Variants in STK24 observed in about 807,000 individuals in gnomAD.
STK24 encodes serine/threonine-protein kinase 24.
In STK24, 21 loss-of-function variants were observed where a neutral mutation model predicts 55.6. The observed-to-expected ratio is 0.38, with a 90% CI of 0.27 to 0.54. The LOEUF is 0.54. Ranked by LOEUF, STK24 falls within the 20% of genes least tolerant of loss-of-function variation. The pLI, the probability that STK24 is intolerant of heterozygous loss-of-function variation, is 0.79. For missense variants in STK24, 383 were observed against 538.4 expected, an observed-to-expected ratio of 0.71 and a Z score of 2.86; for synonymous variants, 200 against 215.2, an observed-to-expected ratio of 0.93 and a Z score of 0.62.
chr13:98,472,016 C>T (rs899269605), intron 5 of STK24, among the ~76,000 whole-genome samples: 3 of 152,172 alleles, frequency 2.0e-5, no homozygotes, highest in African/African-American at 4.8e-5. Context: ...GAGACCAGAG[C>T]GGCCTCCAGT....
chr13:98,536,883 C>T (rs567668929), intron 1 of STK24, among the ~76,000 whole-genome samples: 2 of 106,412 alleles, frequency 1.9e-5, no homozygotes, highest in African/African-American at 3.6e-5. Flanking sequence ...GTCCTCCAGC[C>T]GCCCAGCCAC....
chr13:98,562,892 G>A (rs7327544), intron 1 of STK24, among the ~76,000 whole-genome samples: 24,390 of 147,508 alleles, frequency 0.17, 2,091 homozygotes, highest in South Asian at 0.18. Context: ...CTCCAGTCTG[G>A]GCAACAGAGT....
chr13:98,545,749 G>T (rs1255909302), intron 1 of STK24, among the ~76,000 whole-genome samples: 3 of 151,990 alleles, frequency 2.0e-5, no homozygotes, highest in Non-Finnish European at 4.4e-5. Context: ...AATCAATATG[G>T]ATAATAATAA....
chr13:98,554,951 G>T (rs1308634972), intron 1 of STK24, among the ~76,000 whole-genome samples: 1 of 147,598 alleles, frequency 6.8e-6, no homozygotes, highest in African/African-American at 2.5e-5. Context: ...GGAGATGGAG[G>T]TTGCAGTGAG....
At chr13:98,458,565 C>T (rs758640620) in intron 9 of STK24, among the ~76,000 whole-genome samples, 9 of 152,124 alleles carry the variant, frequency 5.9e-5, no homozygotes, top group Non-Finnish European at 1.2e-4. Context: ...GGCCCCGAGG[C>T]GGCCACTCGT....
intron 1 of STK24, among the ~76,000 whole-genome samples, chr13:98,567,569 GC>G (rs575349815): frequency 2.0e-5 from 3 of 152,310 alleles, no homozygotes; most frequent in African/African-American, 7.2e-5. Flanking sequence ...GGAGGTGGAG[GC>G]CACCGACCAG....
At chr13:98,489,019 G>A (rs767347125) in intron 2 of STK24, among the ~76,000 whole-genome samples, 3 of 152,232 alleles carry the variant, frequency 2.0e-5, no homozygotes, top group Admixed American at 6.5e-5. Context: ...CCTTAAGAGC[G>A]TGAGTTTTTG....
chr13:98,485,265 G>C (rs921505462), intron 2 of STK24, among the ~76,000 whole-genome samples: 5 of 152,162 alleles, frequency 3.3e-5, no homozygotes, highest in Non-Finnish European at 7.4e-5. Context: ...CCGAGCATTC[G>C]GGGAGAATTT....
intron 2 of STK24, among the ~76,000 whole-genome samples, chr13:98,498,159 A>G (rs1393839221): frequency 6.6e-6 from 1 of 152,254 alleles, no homozygotes; most frequent in Non-Finnish European, 1.5e-5. Context: ...TGATAGAGAT[A>G]TGATAGACGT....
chr13:98,549,891 T>G lies in STK24; in HGVS notation c.42+26854A>C, dbSNP rs142069139. Among the ~76,000 whole-genome samples, 8 of 152,288 alleles carry G rather than the reference T, an allele frequency of 5.3e-5. No homozygotes were observed. The East Asian group carries it at 1.5e-3, about 29-fold the overall frequency. ...ATTGCACTAAGATTCACAACATGAC[T>G]GTGGAGAGCCATAAGCATTCAGACC... On this transcript the variant is annotated intron_variant, in intron 1 of 10. Transcript: ENST00000539966.
chr13:98,550,319 G>A lies in STK24; in HGVS notation c.42+26426C>T, dbSNP rs572542476. Reference sequence around the variant, plus strand: ...TTTGGGAGGTCAAGGGGGGAAGATCGCGTGAGCCCAGGAGTTTGAGACCAG... The same window carrying A: ...TTTGGGAGGTCAAGGGGGGAAGATCACGTGAGCCCAGGAGTTTGAGACCAG... On this transcript the variant is annotated intron_variant, in intron 1 of 10. Coordinates refer to ENST00000539966, the MANE Select transcript of STK24 (RefSeq NM_001032296.4). 1.2e-4 allele frequency among the ~76,000 whole-genome samples: 19 copies of A among 152,220 alleles called. No homozygotes were observed. In the East Asian group the frequency reaches 1.5e-3, roughly 12 times the overall value.
At chr13:98,537,509 A>G (rs1414242406) in intron 1 of STK24, among the ~76,000 whole-genome samples, 3 of 152,132 alleles carry the variant, frequency 2.0e-5, no homozygotes, top group African/African-American at 7.2e-5. Flanking sequence ...AGGCAGACAG[A>G]CCTTCCAGAC....
At chr13:98,514,827 AG>A (rs761332306) in intron 2 of STK24, among the ~76,000 whole-genome samples, 1 of 152,200 alleles carries the variant, frequency 6.6e-6, no homozygotes, top group Non-Finnish European at 1.5e-5. Flanking sequence ...GTGAATTTTG[AG>A]TCTGTTTGGC....
chr13:98,529,736 TGGGTG>T (rs1221098656), intron 1 of STK24, among the ~76,000 whole-genome samples: 1 of 151,736 alleles, frequency 6.6e-6, no homozygotes, highest in Non-Finnish European at 1.5e-5. Flanking sequence ...GGTCCAGGGA[TGGGTG>T]TGGTTGGGGT....
chr13:98,536,186 T>A (rs2139411195), intron 1 of STK24, among the ~76,000 whole-genome samples: 1 of 152,074 alleles, frequency 6.6e-6, no homozygotes, highest in East Asian at 1.9e-4. Context: ...TCTCCCTAGG[T>A]GGGGCAGCAA....
At chr13:98,541,220 G>A (rs7336828) in intron 1 of STK24, among the ~76,000 whole-genome samples, 27,639 of 151,970 alleles carry the variant, frequency 0.18, 2,600 homozygotes, top group South Asian at 0.25. Context: ...GAGTTGGTCC[G>A]GGGATAATTT....
intron 1 of STK24, among the ~76,000 whole-genome samples, chr13:98,544,625 G>A (rs1341565190): frequency 1.3e-5 from 2 of 152,242 alleles, no homozygotes; most frequent in Non-Finnish European, 1.5e-5. Context: ...AGGGTACATG[G>A]CAGGTCCCCT....
intron 1 of STK24, among the ~76,000 whole-genome samples, chr13:98,573,220 G>A (rs574912071): frequency 3.9e-5 from 6 of 152,290 alleles, no homozygotes; most frequent in East Asian, 1.9e-4. Context: ...CATGGGTCAC[G>A]GTTCAGAAAA....
rs1313996531 is a variant in STK24 at position 98,474,940 on chromosome 13, G to T, written c.478C>A (p.Leu160Met). 1.9e-6 allele frequency: 3 copies of T among 1,614,026 alleles called. No individual in the cohort carries two copies. Among genetic ancestry groups the T allele is most frequent in the Non-Finnish European group, 2.5e-6 (3 of 1,179,952 alleles). ...VLLSEHGEVK[L>M]ADFGVAGQLT... is the part of the protein sequence containing the mutation. ...TGGCCAGCCACGCCAAAGTCCGCCA[G>T]CTTCACCTCGCCATGCTCAGACAGC... Residue 160 changes from leucine to methionine, a missense_variant, in exon 5 of 11, where the codon CTG (leucine) becomes ATG (methionine). Coordinates refer to ENST00000539966, the MANE Select transcript of STK24 (RefSeq NM_001032296.4).
Sources: allele counts gnomAD v4.1 joint callset (sites outside exome capture counted in the v4.1 genomes callset), GRCh38; gene constraint gnomAD v4.1.1; transcripts MANE v1.5; gene names NCBI Gene and HGNC (gene_info 2026-07-23, HGNC 2026-07-21).